PSMF1: variants seen among roughly 807,000 people sequenced by gnomAD.
PSMF1 encodes proteasome inhibitor PI31 subunit.
PSMF1 carries 30 observed loss-of-function variants against 29.3 expected under a neutral mutation model. That is an observed-to-expected ratio of 1.02 (90% CI 0.77 to 1.39). The LOEUF (loss-of-function observed/expected upper bound fraction) is 1.39, where lower values mean the gene tolerates loss of function less well. Among genes scored for constraint, PSMF1 ranks in the 40% most tolerant of loss-of-function variants. The probability of loss-of-function intolerance (pLI) is 0.00; values close to 1 mark genes in which losing one functional copy is unlikely to be tolerated. For synonymous variants in PSMF1, 134 were observed against 139.7 expected (o/e 0.96, Z 0.29); for missense variants, 344 against 357.5 (o/e 0.96, Z 0.31).
intron 3 of PSMF1, among the ~76,000 whole-genome samples, chr20:1,132,231 G>T (rs1028446793): frequency 6.6e-6 from 1 of 151,570 alleles, no homozygotes; most frequent in Non-Finnish European, 1.5e-5. Context: ...AGCTATTCTA[G>T]GTTCTGTGCC....
At chr20:1,160,956 G>A in intron 4 of PSMF1, 1 of 438,198 alleles carries the variant, frequency 2.3e-6, no homozygotes, top group Non-Finnish European at 4.6e-6. Context: ...TCATGTTTGA[G>A]ACCTTCAATA....
intron 3 of PSMF1, among the ~76,000 whole-genome samples, chr20:1,130,611 A>G (rs1464253343): frequency 6.6e-6 from 1 of 152,194 alleles, no homozygotes; most frequent in Non-Finnish European, 1.5e-5. Flanking sequence ...CCCCAGGCTT[A>G]CAGCTTCAAA....
At chr20:1,136,247 G>C (rs1281031471) in intron 4 of PSMF1, among the ~76,000 whole-genome samples, 3 of 152,172 alleles carry the variant, frequency 2.0e-5, no homozygotes, top group Non-Finnish European at 4.4e-5. Flanking sequence ...AAAGGGAATA[G>C]AGATAAGATG....
At chr20:1,160,942 C>T (rs2086659435) in intron 4 of PSMF1, 1 of 445,006 alleles carries the variant, frequency 2.2e-6, no homozygotes, top group African/African-American at 2.0e-5. Context: ...GAAGATGGCT[C>T]AGATCATGTT....
chr20:1,164,308 C>A lies in PSMF1; in HGVS notation c.606-10C>A, dbSNP rs113734891. 1 of 1,612,166 alleles carries A rather than the reference C, an allele frequency of 6.2e-7. No individual in the cohort carries two copies. The highest frequency in any genetic ancestry group is 1.3e-5 in the African/African-American group (1 of 74,984). ...CACACCTGCTTACCTAACTTTTCTT[C>A]TTGCCTCAGGCCTCGGAGAGGTGGC... On this transcript the variant is annotated splice_polypyrimidine_tract_variant and intron_variant, in intron 5 of 6. Transcript: ENST00000335877. The surrounding 1 kb of genome is among the most constrained non-coding windows in gnomAD (Gnocchi z 4.1).
In PSMF1 at chr20:1,165,179, G is replaced by A. The variant is rs1028681256; in HGVS notation, c.*99G>A. ...CATGTTCTTGCAGGCTGGGGGCAAG[G>A]GATTCTGCTCATGTGTTTGCAGACC... On this transcript the variant is annotated 3_prime_UTR_variant, in exon 7 of 7. Transcript: ENST00000335877. The A allele has an allele frequency of 7.5e-6, 12 of 1,599,650 alleles. No homozygotes were observed. The highest frequency in any genetic ancestry group is 2.7e-5 in the African/African-American group (2 of 74,694).
rs964142468 is a variant in PSMF1 at position 1,168,889 on chromosome 20, C to T, written c.*3809C>T. ...AGATTCCCCACATGTATATCCCCAGCTGTTTCTGTCATAAAACTTGCATGT... is the reference window on the plus strand; with the variant it reads ...AGATTCCCCACATGTATATCCCCAGTTGTTTCTGTCATAAAACTTGCATGT... On this transcript the variant is annotated 3_prime_UTR_variant, in exon 7 of 7. Transcript: ENST00000335877. Among the ~76,000 whole-genome samples, 6 of 152,198 alleles carry T rather than the reference C, an allele frequency of 3.9e-5. No homozygotes were observed. Among genetic ancestry groups the T allele is most frequent in the African/African-American group, 1.4e-4 (6 of 41,444 alleles).
rs567130377 is a variant in PSMF1, at chr20:1,139,911, A to G, written c.551+4605A>G. Among the ~76,000 whole-genome samples the G allele has an allele frequency of 1.2e-4, 18 of 152,360 alleles. No individual in the cohort carries two copies. The South Asian group carries it at 3.7e-3, about 32-fold the overall frequency. Reference sequence around the variant, plus strand: ...GAAAGATTTGGGAAAGAATTGTGTAAGATTTGTACAGTGAAAACTGTAAAA... The same window carrying G: ...GAAAGATTTGGGAAAGAATTGTGTAGGATTTGTACAGTGAAAACTGTAAAA... On this transcript the variant is annotated intron_variant, in intron 4 of 6. Coordinates refer to ENST00000335877, the MANE Select transcript of PSMF1 (RefSeq NM_006814.5).
At chr20:1,144,320 C>A (rs182240250) in intron 4 of PSMF1, among the ~76,000 whole-genome samples, 108 of 152,274 alleles carry the variant, frequency 7.1e-4, no homozygotes, top group African/African-American at 2.3e-3. Flanking sequence ...ATGTACACTG[C>A]TGGTGGGCAT....
Position 1,167,437 on chromosome 20 carries a change from C to T in PSMF1, c.*2357C>T, listed in dbSNP as rs1361551675. 1 of 152,256 alleles carries T rather than the reference C, an allele frequency of 6.6e-6. No individual in the cohort carries two copies. Among genetic ancestry groups the T allele is most frequent in the East Asian group, 1.9e-4 (1 of 5,202 alleles). 9.4% of individuals were successfully genotyped at this position (152,256 alleles called of 1,614,324 possible). On this transcript the variant is annotated 3_prime_UTR_variant, in exon 7 of 7. Coordinates refer to ENST00000335877, the MANE Select transcript of PSMF1 (RefSeq NM_006814.5). Reference sequence around the variant, plus strand: ...GATTTAGTATGTTCACAGTGTTGCACATCCACCACCATTTCTAATTCCTGA... The same window carrying T: ...GATTTAGTATGTTCACAGTGTTGCATATCCACCACCATTTCTAATTCCTGA...
intron 4 of PSMF1, among the ~76,000 whole-genome samples, chr20:1,142,425 C>G (rs2086394606): frequency 6.6e-6 from 1 of 152,048 alleles, no homozygotes; most frequent in Non-Finnish European, 1.5e-5. Context: ...CCCTCCTCCC[C>G]CCACCCCACA....
intron 4 of PSMF1, among the ~76,000 whole-genome samples, chr20:1,137,021 T>C (rs2086315652): frequency 6.6e-6 from 1 of 152,232 alleles, no homozygotes; most frequent in Non-Finnish European, 1.5e-5. Context: ...GAAAATTGTG[T>C]GGGATGCAGG....
intron 4 of PSMF1, among the ~76,000 whole-genome samples, chr20:1,137,364 G>T (rs1038954822): frequency 3.3e-5 from 5 of 152,310 alleles, no homozygotes; most frequent in Admixed American, 3.3e-4. Context: ...TTTATATTAG[G>T]TGGATCTGGC....
At chr20:1,127,845 T>C (rs1334313398) in intron 3 of PSMF1, among the ~76,000 whole-genome samples, 2 of 152,092 alleles carry the variant, frequency 1.3e-5, no homozygotes, top group Admixed American at 1.3e-4. Flanking sequence ...CTCCAACTTA[T>C]TTAAAAAAAA....
intron 4 of PSMF1, among the ~76,000 whole-genome samples, chr20:1,154,620 C>G (rs1262241628): frequency 6.6e-6 from 1 of 152,166 alleles, no homozygotes; most frequent in Non-Finnish European, 1.5e-5. Context: ...CCCAAATCAG[C>G]AGTGTCAGCT....
At chr20:1,125,074 T>C (rs1032889266) in intron 1 of PSMF1, among the ~76,000 whole-genome samples, 8 of 152,268 alleles carry the variant, frequency 5.3e-5, no homozygotes, top group African/African-American at 1.2e-4. Flanking sequence ...TGCAGTCAGT[T>C]AGCGTGTATT....
rs886448737 is a variant in PSMF1 at position 1,118,640 on chromosome 20, T to C, written c.-134T>C. The C allele has an allele frequency of 1.8e-6, 2 of 1,114,098 alleles. No individual in the cohort carries two copies. Among genetic ancestry groups the C allele is most frequent in the Non-Finnish European group, 2.4e-6 (2 of 816,590 alleles). The allele number at this position is 1,114,098 out of a possible 1,614,324, so 69.0% of individuals were successfully genotyped here. On this transcript the variant is annotated 5_prime_UTR_variant, in exon 1 of 7. Transcript: ENST00000335877. ...CGCCCCGTCCCCGGGCGTCTCCATT[T>C]TGGTCTCAGGTGTGGACTCGGCAAG...
rs1459500905 is a variant in PSMF1, at chr20:1,167,896, A to G, written c.*2816A>G. 2 of 152,192 alleles carry G rather than the reference A, an allele frequency of 1.3e-5. No homozygotes were observed. The highest frequency in any genetic ancestry group is 1.9e-4 in the East Asian group (1 of 5,198). The allele number at this position is 152,192 out of a possible 1,614,324, so 9.4% of individuals were successfully genotyped here. A position where few individuals can be genotyped will look rare whatever the true frequency, so the allele number is the denominator to read the frequency against. On this transcript the variant is annotated 3_prime_UTR_variant, in exon 7 of 7. Coordinates refer to ENST00000335877, the MANE Select transcript of PSMF1 (RefSeq NM_006814.5). ...GGTTCACATGGTAGCTCTATATTCT[A>G]CTTTGTGAGGAATTGTCAGACTGTT...
chr20:1,124,163 G>T (rs1306850779), intron 1 of PSMF1, among the ~76,000 whole-genome samples: 1 of 152,166 alleles, frequency 6.6e-6, no homozygotes, highest in African/African-American at 2.4e-5. Context: ...ATTATGAACA[G>T]TGTCAAAGGC....
Sources: allele counts gnomAD v4.1 joint callset (sites outside exome capture counted in the v4.1 genomes callset), GRCh38; gene constraint gnomAD v4.1.1; non-coding constraint Gnocchi (gnomAD v3.1); transcripts MANE v1.5; gene names NCBI Gene and HGNC (gene_info 2026-07-23, HGNC 2026-07-21).